The following ERGIC1 variants were observed in gnomAD, a reference collection of about 807,000 sequenced individuals.
ERGIC1 encodes endoplasmic reticulum-Golgi intermediate compartment protein 1.
ERGIC1 carries 19 observed loss-of-function variants against 38.3 expected under a neutral mutation model. The ratio of observed to expected loss-of-function variants is 0.50; its 90% CI spans 0.35 to 0.73. ERGIC1 has a LOEUF of 0.73. ERGIC1 is among the 30% of genes least tolerant of loss of function. The pLI is 0.01. For missense variants in ERGIC1, 294 were observed against 389.2 expected (o/e 0.76, Z 2.06); for synonymous variants, 124 against 157.6 (o/e 0.79, Z 1.60).
At chr5:172,874,317 A>G (rs564327371) in intron 1 of ERGIC1, among the ~76,000 whole-genome samples, 8 of 151,914 alleles carry the variant, frequency 5.3e-5, no homozygotes, top group African/African-American at 1.2e-4. Context: ...CTGATGTCAG[A>G]TGATCCACCC....
chr5:172,881,528 G>A (rs1182609695), intron 1 of ERGIC1, among the ~76,000 whole-genome samples: 3 of 152,164 alleles, frequency 2.0e-5, no homozygotes, highest in African/African-American at 7.2e-5. Flanking sequence ...AGGAGGGAGT[G>A]TTTCTTAAAT....
chr5:172,898,073 C>T (rs1450505818), intron 3 of ERGIC1: 1 of 395,956 alleles, frequency 2.5e-6, no homozygotes, highest in Non-Finnish European at 4.5e-6. Flanking sequence ...AAAGCCTCTT[C>T]ATTTCTGTGT....
chr5:172,887,315 G>A (rs752903488), intron 1 of ERGIC1, among the ~76,000 whole-genome samples: 4 of 152,156 alleles, frequency 2.6e-5, no homozygotes, highest in Admixed American at 6.5e-5. Flanking sequence ...GGGTTCTGTC[G>A]ATCAAACTCT....
intron 1 of ERGIC1, among the ~76,000 whole-genome samples, chr5:172,857,810 G>A (rs558590772): frequency 7.7e-4 from 117 of 152,160 alleles, no homozygotes; most frequent in African/African-American, 2.6e-3. Context: ...AGTAAAATCG[G>A]TCTCCCCATC....
chr5:172,894,199 T>TC (rs1357071185), intron 2 of ERGIC1, among the ~76,000 whole-genome samples: 24 of 134,420 alleles, frequency 1.8e-4, no homozygotes, highest in African/African-American at 6.3e-4. Flanking sequence ...CTTTTTCTTT[T>TC]TTTTTTTTTT....
intron 5 of ERGIC1, chr5:172,918,224 TA>T (rs1448336968): frequency 6.6e-6 from 1 of 152,262 alleles, no homozygotes; most frequent in Admixed American, 6.5e-5. Flanking sequence ...GATGCATCAG[TA>T]AAGCAGCATA....
At chr5:172,912,451 GATCTTAGCTCACTGCA>G (rs1369790690) in intron 4 of ERGIC1, among the ~76,000 whole-genome samples, 1 of 152,182 alleles carries the variant, frequency 6.6e-6, no homozygotes, top group Non-Finnish European at 1.5e-5. Flanking sequence ...GCGATGGCGC[GATCTTAGCTCACTGCA>G]ACCTCCGCCT....
intron 3 of ERGIC1, among the ~76,000 whole-genome samples, chr5:172,899,349 G>T (rs547034077): frequency 7.8e-6 from 1 of 128,332 alleles, no homozygotes; most frequent in Non-Finnish European, 1.5e-5. Flanking sequence ...ACGGAGTCTC[G>T]CTCTGTCGTC....
chr5:172,926,781 C>A lies in ERGIC1; in HGVS notation c.541+212C>A. 2 of 593,708 alleles carry A rather than the reference C, an allele frequency of 3.4e-6. No homozygotes were observed. Among genetic ancestry groups the A allele is most frequent in the East Asian group, 2.8e-5 (1 of 35,658 alleles). 36.8% of individuals were successfully genotyped at this position (593,708 alleles called of 1,614,324 possible). On this transcript the variant is annotated intron_variant, in intron 7 of 9. Transcript: ENST00000393784. The surrounding 1 kb of genome is among the most constrained non-coding windows in gnomAD (Gnocchi z 5.2). ...CTGATGGAGAAGGAAGAAGGCTTGT[C>A]CCGGGGCACAGCAGACGCACGCACG...
intron 1 of ERGIC1, among the ~76,000 whole-genome samples, chr5:172,852,864 C>T (rs1761447250): frequency 6.6e-6 from 1 of 152,262 alleles, no homozygotes; most frequent in East Asian, 1.9e-4. Flanking sequence ...TTTGCACAGG[C>T]ATTTCTATGT....
rs182179023 is a variant in ERGIC1 at position 172,860,450 on chromosome 5, G to A, written c.20+26017G>A. Among the ~76,000 whole-genome samples the A allele has an allele frequency of 7.3e-3, 1,114 of 152,366 alleles. 13 individuals carry two copies. Among genetic ancestry groups the A allele is most frequent in the Middle Eastern group, 0.024 (7 of 294 alleles). On this transcript the variant is annotated intron_variant, in intron 1 of 9. Transcript: ENST00000393784. ...AGAGAAGTTATTTAACCTGCCCAGCGTTGCCTGAGCCAGGGCAGAGCTGGG... is the reference window on the plus strand; with the variant it reads ...AGAGAAGTTATTTAACCTGCCCAGCATTGCCTGAGCCAGGGCAGAGCTGGG...
chr5:172,841,170 T>G (rs1014390345), intron 1 of ERGIC1, among the ~76,000 whole-genome samples: 1 of 152,170 alleles, frequency 6.6e-6, no homozygotes, highest in African/African-American at 2.4e-5. Flanking sequence ...CTTAATTACA[T>G]TGATTGTATA....
chr5:172,948,141 C>T (rs914547088), intron 9 of ERGIC1, among the ~76,000 whole-genome samples: 1 of 152,168 alleles, frequency 6.6e-6, no homozygotes, highest in African/African-American at 2.4e-5. Context: ...ATCCCCCCAG[C>T]GCCCCCAGTC....
intron 5 of ERGIC1, among the ~76,000 whole-genome samples, chr5:172,923,720 GGCTTTGTGCCCGTC>G (rs1029743937): frequency 9.2e-5 from 14 of 152,340 alleles, no homozygotes; most frequent in Middle Eastern, 3.4e-3. Context: ...CATGAGTCCT[GGCTTTGTGCCCGTC>G]GCCCAGATGG....
At chr5:172,925,823 T>C (rs1763638239) in intron 6 of ERGIC1, among the ~76,000 whole-genome samples, 1 of 152,190 alleles carries the variant, frequency 6.6e-6, no homozygotes, top group South Asian at 2.1e-4. Flanking sequence ...ATTTACCAGG[T>C]ATGCCTTGTC....
intron 9 of ERGIC1, chr5:172,936,690 GT>G (rs1763892634): frequency 6.6e-6 from 1 of 152,328 alleles, no homozygotes; most frequent in Non-Finnish European, 1.5e-5. Context: ...AGGAGAAGCT[GT>G]TTGCAGATGT....
intron 1 of ERGIC1, among the ~76,000 whole-genome samples, chr5:172,844,680 G>A (rs1761241501): frequency 6.6e-6 from 1 of 152,174 alleles, no homozygotes; most frequent in East Asian, 1.9e-4. Context: ...CCCACCCGGG[G>A]CCTGGCCTGG....
intron 3 of ERGIC1, among the ~76,000 whole-genome samples, chr5:172,905,805 G>C (rs1016592144): frequency 6.6e-6 from 1 of 152,210 alleles, no homozygotes; most frequent in African/African-American, 2.4e-5. Flanking sequence ...CCATACAAAG[G>C]AGGGACCAAA....
chr5:172,934,808 G>C (rs929371341), intron 8 of ERGIC1: 1 of 296,512 alleles, frequency 3.4e-6, no homozygotes, highest in Non-Finnish European at 6.7e-6. Flanking sequence ...GGCCACCACA[G>C]TGGAGGCGTT....
Sources: allele counts gnomAD v4.1 joint callset (sites outside exome capture counted in the v4.1 genomes callset), GRCh38; gene constraint gnomAD v4.1.1; non-coding constraint Gnocchi (gnomAD v3.1); transcripts MANE v1.5; gene names NCBI Gene and HGNC (gene_info 2026-07-23, HGNC 2026-07-21).